Variants in MEIKIN observed in about 807,000 individuals in gnomAD.
MEIKIN encodes the protein meiosis-specific kinetochore protein.
chr5:131,883,478 T>C (rs1330792417), intron 8 of MEIKIN, among the ~76,000 whole-genome samples: 1 of 152,232 alleles, frequency 6.6e-6, no homozygotes, highest in Non-Finnish European at 1.5e-5. Context: ...TACTAGACCA[T>C]ACAATCCTTG....
intron 11 of MEIKIN, among the ~76,000 whole-genome samples, chr5:131,819,598 CT>C (rs34041769): frequency 0.58 from 75,466 of 130,494 alleles, 21,843 homozygotes; most frequent in Non-Finnish European, 0.7. Context: ...TAGAAACTTC[CT>C]TTTTTTTTTT....
intron 11 of MEIKIN, among the ~76,000 whole-genome samples, chr5:131,826,898 T>TAGC: frequency 6.6e-6 from 1 of 152,338 alleles, no homozygotes; most frequent in Admixed American, 6.5e-5. Context: ...AGTATCCTTA[T>TAGC]AGCAGTGTGA....
At chr5:131,882,677 C>T (rs1750719397) in intron 8 of MEIKIN, among the ~76,000 whole-genome samples, 2 of 152,126 alleles carry the variant, frequency 1.3e-5, no homozygotes, top group Non-Finnish European at 2.9e-5. Flanking sequence ...AGAATAAAAT[C>T]CATAGTCCTT....
chr5:131,829,913 G>A (rs907437608), intron 11 of MEIKIN, among the ~76,000 whole-genome samples: 1 of 152,178 alleles, frequency 6.6e-6, no homozygotes, highest in Non-Finnish European at 1.5e-5. Context: ...TCTGGCCTCA[G>A]GAAATGAGAT....
chr5:131,869,792 GT>G (rs1750453569), intron 9 of MEIKIN, among the ~76,000 whole-genome samples: 1 of 152,166 alleles, frequency 6.6e-6, no homozygotes, highest in East Asian at 1.9e-4. Context: ...CATCAACACT[GT>G]TTAGGTTTTC....
At chr5:131,825,899 A>T (rs1327596141) in intron 11 of MEIKIN, among the ~76,000 whole-genome samples, 1 of 152,216 alleles carries the variant, frequency 6.6e-6, no homozygotes, top group South Asian at 2.1e-4. Flanking sequence ...CATGTAAGTC[A>T]AAAGACAGTG....
chr5:131,909,397 C>T (rs1473194345), intron 8 of MEIKIN, among the ~76,000 whole-genome samples: 1 of 152,036 alleles, frequency 6.6e-6, no homozygotes, highest in Non-Finnish European at 1.5e-5. Context: ...TTGTCTGTTG[C>T]CATATACAAA....
intron 8 of MEIKIN, among the ~76,000 whole-genome samples, chr5:131,884,541 T>C (rs558238470): frequency 6.7e-6 from 1 of 149,534 alleles, no homozygotes; most frequent in Admixed American, 6.7e-5. Flanking sequence ...TGATACCAGG[T>C]AGTATACCAT....
At chr5:131,918,827 C>T (rs879581483) in intron 6 of MEIKIN, among the ~76,000 whole-genome samples, 43 of 152,286 alleles carry the variant, frequency 2.8e-4, no homozygotes, top group African/African-American at 1.0e-3. Flanking sequence ...ACCAGGAACA[C>T]GGCTGTGACA....
At chr5:131,927,565 G>A (rs1751608115) in intron 5 of MEIKIN, among the ~76,000 whole-genome samples, 1 of 152,166 alleles carries the variant, frequency 6.6e-6, no homozygotes, top group African/African-American at 2.4e-5. Context: ...GGGTTATACT[G>A]AATTATCCCA....
intron 11 of MEIKIN, among the ~76,000 whole-genome samples, chr5:131,836,127 A>G (rs1027602400): frequency 6.6e-6 from 1 of 152,138 alleles, no homozygotes; most frequent in Non-Finnish European, 1.5e-5. Context: ...GCTCTCATTT[A>G]TAAGTGAGAA....
intron 8 of MEIKIN, among the ~76,000 whole-genome samples, chr5:131,910,899 C>G (rs562018053): frequency 6.6e-6 from 1 of 152,092 alleles, no homozygotes; most frequent in African/African-American, 2.4e-5. Context: ...ATATTTTCCA[C>G]AGCTAAAGCA....
intron 7 of MEIKIN, among the ~76,000 whole-genome samples, chr5:131,912,383 T>C (rs1402968788): frequency 2.6e-5 from 4 of 151,934 alleles, no homozygotes; most frequent in Non-Finnish European, 5.9e-5. Flanking sequence ...TTTTTTGAAA[T>C]TAATATCCTG....
intron 4 of MEIKIN, among the ~76,000 whole-genome samples, chr5:131,940,035 T>C (rs1751842868): frequency 6.6e-6 from 1 of 152,250 alleles, no homozygotes; most frequent in Non-Finnish European, 1.5e-5. Context: ...TAATTCTCAA[T>C]GGTTTTAGAG....
intron 12 of MEIKIN, among the ~76,000 whole-genome samples, chr5:131,808,316 T>G (rs966154061): frequency 6.6e-6 from 1 of 152,174 alleles, no homozygotes; most frequent in East Asian, 1.9e-4. Context: ...AACTATCTTA[T>G]CTCACCTACC....
chr5:131,882,951 T>C (rs996867267), intron 8 of MEIKIN, among the ~76,000 whole-genome samples: 1 of 152,226 alleles, frequency 6.6e-6, no homozygotes, highest in African/African-American at 2.4e-5. Context: ...CTGATTGCTC[T>C]ATCTAAAATA....
At chr5:131,883,167 A>C (rs1448704555) in intron 8 of MEIKIN, among the ~76,000 whole-genome samples, 1 of 152,196 alleles carries the variant, frequency 6.6e-6, no homozygotes, top group African/African-American at 2.4e-5. Context: ...TTGCTGAATG[A>C]ACTAAATTAA....
intron 8 of MEIKIN, among the ~76,000 whole-genome samples, chr5:131,899,726 G>T (rs1001502919): frequency 6.6e-6 from 1 of 151,922 alleles, no homozygotes; most frequent in Non-Finnish European, 1.5e-5. Flanking sequence ...AGACAAAGAA[G>T]GTTATATATA....
At chr5:131,870,258 CA>C (rs957431447) in intron 9 of MEIKIN, among the ~76,000 whole-genome samples, 2 of 151,956 alleles carry the variant, frequency 1.3e-5, no homozygotes, top group African/African-American at 2.4e-5. Flanking sequence ...GACACACACA[CA>C]AAAAAAGTCT....
Sources: allele counts gnomAD v4.1 joint callset (sites outside exome capture counted in the v4.1 genomes callset), GRCh38; gene constraint gnomAD v4.1.1; transcripts MANE v1.5; gene names NCBI Gene and HGNC (gene_info 2026-07-23, HGNC 2026-07-21).